Variants in BCL11A observed in about 807,000 individuals in gnomAD.
BCL11A encodes BCL11 transcription factor A.
BCL11A carries 2 observed loss-of-function variants against 55.9 expected under a neutral mutation model. The observed-to-expected ratio is 0.04, with a 90% CI of 0.01 to 0.11. BCL11A has a LOEUF of 0.11. BCL11A is among the 10% of genes least tolerant of loss of function. The pLI is 1.00. For missense variants in BCL11A, 817 were observed against 1,137.1 expected (o/e 0.72, Z 4.05); for synonymous variants, 465 against 473.4 (o/e 0.98, Z 0.23).
chr2:60,458,452 T>TA lies in BCL11A; in HGVS notation c.*1951dup. ...AAAAATTTTTCTTAACATTTATATTTAAAAAAGTTTTGTACAAAAAAATCC... is the reference window on the plus strand; with the variant it reads ...AAAAATTTTTCTTAACATTTATATTTAAAAAAAGTTTTGTACAAAAAAATCC... On this transcript the variant is annotated 3_prime_UTR_variant, in exon 4 of 4. Transcript: ENST00000642384. 9.8e-7 allele frequency: 1 copy of TA among 1,024,012 alleles called. No individual in the cohort carries two copies. The highest frequency in any genetic ancestry group is 4.6e-5 in the South Asian group (1 of 21,586). The allele number at this position is 1,024,012 out of a possible 1,614,324, so 63.4% of individuals were successfully genotyped here. A position where few individuals can be genotyped will look rare whatever the true frequency, so the allele number is the denominator to read the frequency against.
chr2:60,465,372 A>C (rs1676539703), intron 3 of BCL11A, among the ~76,000 whole-genome samples: 1 of 152,260 alleles, frequency 6.6e-6, no homozygotes, highest in African/African-American at 2.4e-5. Flanking sequence ...TCTCAATTTG[A>C]GAGCCTCATT....
chr2:60,509,312 A>C (rs749587782), intron 2 of BCL11A, among the ~76,000 whole-genome samples: 3 of 152,178 alleles, frequency 2.0e-5, no homozygotes, highest in Non-Finnish European at 2.9e-5. Context: ...ACTTCTTTCC[A>C]GAAATGGGGA....
intron 3 of BCL11A, among the ~76,000 whole-genome samples, chr2:60,467,578 A>G (rs1243593924): frequency 1.5e-3 from 17 of 11,152 alleles, no homozygotes; most frequent in African/African-American, 1.8e-3. Flanking sequence ...TGGTGGTGGT[A>G]ATGGTGGTGG....
downstream of BCL11A, chr2:60,452,268 A>G (rs1188696890): frequency 3.4e-6 from 1 of 291,824 alleles, no homozygotes; most frequent in East Asian, 5.1e-5. Flanking sequence ...AATACAGGTA[A>G]TTAGGTTGGC....
intron 2 of BCL11A, among the ~76,000 whole-genome samples, chr2:60,532,381 G>C (rs1000841348): frequency 6.6e-6 from 1 of 150,582 alleles, no homozygotes; most frequent in Non-Finnish European, 1.5e-5. Context: ...TTTTTAAAAA[G>C]GTTTTGTTTT....
At chr2:60,511,375 A>T (rs1179810510) in intron 2 of BCL11A, among the ~76,000 whole-genome samples, 2 of 152,224 alleles carry the variant, frequency 1.3e-5, no homozygotes, top group Non-Finnish European at 2.9e-5. Flanking sequence ...GAATTAAAAG[A>T]ACTCGCCAAT....
intron 2 of BCL11A, among the ~76,000 whole-genome samples, chr2:60,469,964 A>G (rs1408356923): frequency 6.6e-6 from 1 of 152,184 alleles, no homozygotes; most frequent in Non-Finnish European, 1.5e-5. Flanking sequence ...CTTAATATTA[A>G]GAGCACTTAG....
downstream of BCL11A, chr2:60,452,627 G>C: frequency 6.2e-7 from 1 of 1,614,050 alleles, no homozygotes; most frequent in Non-Finnish European, 8.5e-7. Flanking sequence ...CACATCTTGA[G>C]CTCTCTGGGT....
At chr2:60,521,460 C>G (rs917797473) in intron 2 of BCL11A, among the ~76,000 whole-genome samples, 1 of 152,212 alleles carries the variant, frequency 6.6e-6, no homozygotes, top group Admixed American at 6.5e-5. Context: ...ACCATGGCTC[C>G]CCTGTGACGG....
intron 2 of BCL11A, among the ~76,000 whole-genome samples, chr2:60,476,004 G>T (rs1677570645): frequency 6.6e-6 from 1 of 152,116 alleles, no homozygotes; most frequent in South Asian, 2.1e-4. Flanking sequence ...TCTTTAAAAG[G>T]AGAAGACTGG....
At chr2:60,505,532 G>T (rs1054304381) in intron 2 of BCL11A, among the ~76,000 whole-genome samples, 4 of 152,180 alleles carry the variant, frequency 2.6e-5, no homozygotes, top group Non-Finnish European at 5.9e-5. Context: ...GGCCAAACCA[G>T]CCCTCTTTTA....
Position 60,457,550 on chromosome 2 carries a change from A to T in BCL11A, c.*2854T>A. 1 of 1,047,238 alleles carries T rather than the reference A, an allele frequency of 9.5e-7. No homozygotes were observed. The highest frequency in any genetic ancestry group is 1.2e-6 in the Non-Finnish European group (1 of 867,610). The allele number at this position is 1,047,238 out of a possible 1,614,324, so 64.9% of individuals were successfully genotyped here. ...AACAAAATATTCTGCATTGCCATTT[A>T]CAAAAAAGTATTGACTAAAGCGGGC... On this transcript the variant is annotated 3_prime_UTR_variant, in exon 4 of 4. Coordinates refer to ENST00000642384, the MANE Select transcript of BCL11A (RefSeq NM_022893.4).
chr2:60,467,938 G>T (rs1343349791), intron 3 of BCL11A, among the ~76,000 whole-genome samples: 1 of 135,216 alleles, frequency 7.4e-6, no homozygotes, highest in East Asian at 2.0e-4. Flanking sequence ...TAGTGATGGT[G>T]GTGGTGGTGA....
At position 60,528,555 on chromosome 2, in the gene BCL11A, G is replaced by A. The variant is rs2104612113; in HGVS notation, c.385+17416C>T. ...TGAAAAACTTGACCACAGAACCCATGGGAGGGACAACTGTCCAGCACCAGA... is the reference window on the plus strand; with the variant it reads ...TGAAAAACTTGACCACAGAACCCATAGGAGGGACAACTGTCCAGCACCAGA... On this transcript the variant is annotated intron_variant, in intron 2 of 3. Coordinates refer to ENST00000642384, the MANE Select transcript of BCL11A (RefSeq NM_022893.4). 3.3e-5 allele frequency: 5 copies of A among 152,448 alleles called. 1 individual carries two copies. The South Asian group carries it at 1.0e-3, about 32-fold the overall frequency. The allele number at this position is 152,448 out of a possible 1,614,324, so 9.4% of individuals were successfully genotyped here.
chr2:60,457,815 G>C lies in BCL11A; in HGVS notation c.*2589C>G. On this transcript the variant is annotated 3_prime_UTR_variant, in exon 4 of 4. Coordinates refer to ENST00000642384, the MANE Select transcript of BCL11A (RefSeq NM_022893.4). ...TTATTAGCTTGCAGTACTGCATACA[G>C]TATGGCAGCAGGAAAAAGGAACAAA... is the stretch of plus-strand genomic sequence containing the variant. 2 of 1,047,178 alleles carry C rather than the reference G, an allele frequency of 1.9e-6. No homozygotes were observed. Among genetic ancestry groups the C allele is most frequent in the Non-Finnish European group, 2.3e-6 (2 of 867,876 alleles). 64.9% of individuals were successfully genotyped at this position (1,047,178 alleles called of 1,614,324 possible).
At chr2:60,518,714 A>G (rs1216930810) in intron 2 of BCL11A, among the ~76,000 whole-genome samples, 1 of 152,206 alleles carries the variant, frequency 6.6e-6, no homozygotes, top group African/African-American at 2.4e-5. Flanking sequence ...TTCACTTAAA[A>G]GTCCATCCAG....
In BCL11A at chr2:60,471,580, G is replaced by A. The variant is rs535160677; in HGVS notation, c.386-2747C>T. 4.6e-5 allele frequency among the ~76,000 whole-genome samples: 7 copies of A among 152,318 alleles called. No individual in the cohort carries two copies. The South Asian group carries it at 6.2e-4, about 14-fold the overall frequency. On this transcript the variant is annotated intron_variant, in intron 2 of 3. Coordinates refer to ENST00000642384, the MANE Select transcript of BCL11A (RefSeq NM_022893.4). ...AGTATCACAATTAATGCTTCTGAGC[G>A]TCAAACTCGAGGAGCAGCTCTGCCT...
chr2:60,471,504 A>T (rs997137233), intron 2 of BCL11A, among the ~76,000 whole-genome samples: 17 of 152,240 alleles, frequency 1.1e-4, no homozygotes, highest in Non-Finnish European at 1.9e-4. Flanking sequence ...CTAGGGCTTA[A>T]CTTCTTGCTA....
chr2:60,471,982 G>A (rs902544660), intron 2 of BCL11A, among the ~76,000 whole-genome samples: 6 of 152,172 alleles, frequency 3.9e-5, no homozygotes, highest in Non-Finnish European at 8.8e-5. Flanking sequence ...AAGTATGAAC[G>A]CTGGAAGCTT....
Sources: allele counts gnomAD v4.1 joint callset (sites outside exome capture counted in the v4.1 genomes callset), GRCh38; gene constraint gnomAD v4.1.1; transcripts MANE v1.5; gene names NCBI Gene and HGNC (gene_info 2026-07-23, HGNC 2026-07-21).